The following DCP2 variants were observed in gnomAD, a reference collection of about 807,000 sequenced individuals.
The protein encoded by DCP2 is decapping mRNA 2.
In DCP2, 30 loss-of-function variants were observed where a neutral mutation model predicts 56.1. The observed-to-expected ratio is 0.53, with a 90% CI of 0.40 to 0.73. The LOEUF (loss-of-function observed/expected upper bound fraction) is 0.73, where lower values mean the gene tolerates loss of function less well. Among genes scored for constraint, DCP2 ranks in the 30% least tolerant of loss-of-function variants. The pLI, the probability that DCP2 is intolerant of heterozygous loss-of-function variation, is 0.00. For missense variants in DCP2, 533 were observed against 502.7 expected (o/e 1.06, Z -0.58); for synonymous variants, 197 against 163.3 (o/e 1.21, Z -1.57).
chr5:113,004,016 A>T lies in DCP2; in HGVS notation c.881A>T (p.Gln294Leu). ...GGTGACCAGTGGGTAAAGCACAGGC[A>T]ACCACTGCAGCAAAAGCCATATAAT... ...SPGDQWVKHRQPLQQKPYNNH... is the reference protein window; with the variant it reads ...SPGDQWVKHRLPLQQKPYNNH... The change falls in exon 8 of 11, where the codon CAA becomes CTA. Residue 294 changes from glutamine (Q) to leucine (L), a missense_variant. Physicochemically the swap from Gln to Leu is moderately radical, Grantham distance 113. Coordinates refer to ENST00000389063, the MANE Select transcript of DCP2 (RefSeq NM_152624.6). 1 of 1,614,156 alleles carries T rather than the reference A, an allele frequency of 6.2e-7. No homozygotes were observed. Among genetic ancestry groups the T allele is most frequent in the Non-Finnish European group, 8.5e-7 (1 of 1,179,998 alleles).
rs138212181 is a variant in DCP2, at chr5:113,018,278, A to G, written c.*4794A>G. 3.9e-5 allele frequency: 6 copies of G among 152,376 alleles called. No homozygotes were observed. Among genetic ancestry groups the G allele is most frequent in the East Asian group, 3.9e-4 (2 of 5,194 alleles). 9.4% of individuals were successfully genotyped at this position (152,376 alleles called of 1,614,324 possible). A position where few individuals can be genotyped will look rare whatever the true frequency, so the allele number is the denominator to read the frequency against. On this transcript the variant is annotated 3_prime_UTR_variant, in exon 11 of 11. Coordinates refer to ENST00000389063, the MANE Select transcript of DCP2 (RefSeq NM_152624.6). Reference sequence around the variant, plus strand: ...GTACAAACAAGTGTAAAGAAAAACTATGATAAAGTATGGAGGTCTTGAGAA... The same window carrying G: ...GTACAAACAAGTGTAAAGAAAAACTGTGATAAAGTATGGAGGTCTTGAGAA...
In DCP2 at chr5:113,015,758, C is replaced by T. The variant is rs1749859995; in HGVS notation, c.*2274C>T. On this transcript the variant is annotated 3_prime_UTR_variant, in exon 11 of 11. Transcript: ENST00000389063. ...AAGTTGGATGTACTTGTTTTAGGTA[C>T]ATCTACTATACTTATTCTCTCAAAC... The T allele has an allele frequency of 2.0e-5, 3 of 152,642 alleles. No homozygotes were observed. Among genetic ancestry groups the T allele is most frequent in the Admixed American group, 2.0e-4 (3 of 15,278 alleles). The allele number at this position is 152,642 out of a possible 1,614,324, so 9.5% of individuals were successfully genotyped here. A position where few individuals can be genotyped will look rare whatever the true frequency, so the allele number is the denominator to read the frequency against.
intron 7 of DCP2, 33 bp downstream of exon 7, chr5:113,001,707 C>G (rs1163018737): frequency 1.3e-6 from 2 of 1,580,410 alleles, no homozygotes; most frequent in Admixed American, 3.4e-5. Flanking sequence ...TCCTGATTTT[C>G]TAATAGTTTT....
At chr5:112,994,108 T>C (rs1279853341) in intron 4 of DCP2, among the ~76,000 whole-genome samples, 1 of 151,522 alleles carries the variant, frequency 6.6e-6, no homozygotes, top group Non-Finnish European at 1.5e-5. Context: ...GGCCTTAGTT[T>C]CTTAAAATGA....
At chr5:113,005,457 C>T (rs955924878) in intron 8 of DCP2, among the ~76,000 whole-genome samples, 3 of 152,118 alleles carry the variant, frequency 2.0e-5, no homozygotes, top group Non-Finnish European at 4.4e-5. Flanking sequence ...TGAGATATCA[C>T]TTCTTACCCA....
chr5:113,008,081 C>A, intron 9 of DCP2, 39 bp downstream of exon 9: 1 of 1,537,458 alleles, frequency 6.5e-7, no homozygotes, highest in Non-Finnish European at 9.0e-7. Context: ...GGCAGTTCAT[C>A]CTCTGAAGAG....
In DCP2 at chr5:113,014,497, G is replaced by C. The variant is rs1018599586; in HGVS notation, c.*1013G>C. ...GGAGCGAGAAGGGAAGGGGTATGCAGTTTACCCAAGTCCAAATAAAGCATT... is the reference window on the plus strand; with the variant it reads ...GGAGCGAGAAGGGAAGGGGTATGCACTTTACCCAAGTCCAAATAAAGCATT... On this transcript the variant is annotated 3_prime_UTR_variant, in exon 11 of 11. Coordinates refer to ENST00000389063, the MANE Select transcript of DCP2 (RefSeq NM_152624.6). The C allele has an allele frequency of 6.6e-6, 1 of 152,586 alleles. No individual in the cohort carries two copies. Among genetic ancestry groups the C allele is most frequent in the African/African-American group, 2.4e-5 (1 of 41,426 alleles). 9.5% of individuals were successfully genotyped at this position (152,586 alleles called of 1,614,324 possible).
intron 2 of DCP2, among the ~76,000 whole-genome samples, chr5:112,986,839 A>G (rs538114762): frequency 2.0e-5 from 3 of 152,108 alleles, no homozygotes; most frequent in African/African-American, 2.4e-5. Context: ...ATCTCTACCA[A>G]AAGTACAAAA....
At chr5:112,991,817 A>G (rs1748607759) in intron 2 of DCP2, among the ~76,000 whole-genome samples, 1 of 152,216 alleles carries the variant, frequency 6.6e-6, no homozygotes, top group African/African-American at 2.4e-5. Flanking sequence ...AGTTTGTGTT[A>G]GGGATCCAGG....
At chr5:112,994,632 A>C (rs1186660859) in intron 4 of DCP2, among the ~76,000 whole-genome samples, 1 of 152,186 alleles carries the variant, frequency 6.6e-6, no homozygotes, top group Non-Finnish European at 1.5e-5. Flanking sequence ...CTTACCATTT[A>C]TCACACAATT....
rs770733172 is a variant in DCP2, at chr5:112,976,951, G to A, written c.18G>A (p.Val6=). 3.1e-6 allele frequency: 5 copies of A among 1,599,640 alleles called. No homozygotes were observed. Among genetic ancestry groups the A allele is most frequent in the Non-Finnish European group, 4.3e-6 (5 of 1,169,478 alleles). METKR[V]EIPGSVLDDL... ...TCCTCATCATGGAGACCAAACGGGTGGAGATTCCCGGCAGCGTCCTGGACG... is the reference window on the plus strand; with the variant it reads ...TCCTCATCATGGAGACCAAACGGGTAGAGATTCCCGGCAGCGTCCTGGACG... Residue 6 remains valine, a synonymous_variant, in exon 1 of 11, where the codon GTG becomes GTA. Coordinates refer to ENST00000389063, the MANE Select transcript of DCP2 (RefSeq NM_152624.6).
intron 2 of DCP2, among the ~76,000 whole-genome samples, chr5:112,986,766 G>A (rs143194804): frequency 5.8e-4 from 89 of 152,300 alleles, no homozygotes; most frequent in African/African-American, 2.0e-3. Context: ...TTGAGAGGCC[G>A]AGACTGGTGG....
chr5:113,001,468 A>G lies in DCP2; in HGVS notation c.697A>G (p.Arg233Gly). The G allele has an allele frequency of 6.2e-7, 1 of 1,611,850 alleles. No homozygotes were observed. The highest frequency in any genetic ancestry group is 8.5e-7 in the Non-Finnish European group (1 of 1,178,346). Residue 233 changes from arginine (R) to glycine (G), a missense_variant and splice_region_variant, in exon 6 of 11, where the codon AGA becomes GGA. By Grantham distance (125) the Arg-to-Gly change is moderately radical. Transcript: ENST00000389063. ...NKFFMAIPFIRPLRDWLSRRF... is the reference protein window; with the variant it reads ...NKFFMAIPFIGPLRDWLSRRF... ...ATTTTTTATGGCCATTCCCTTTATC[A>G]GGTGTGTTCATATTTCTTGAAATGT...
chr5:112,994,521 C>A (rs1580811053), intron 4 of DCP2, among the ~76,000 whole-genome samples: 1 of 152,098 alleles, frequency 6.6e-6, no homozygotes, highest in East Asian at 1.9e-4. Context: ...TCAGCTCTAG[C>A]AAACAGTAGT....
chr5:112,984,722 A>ATATATATATATATATT (rs1328543744), intron 1 of DCP2: 10 of 134,312 alleles, frequency 7.4e-5, no homozygotes, highest in African/African-American at 3.0e-4. Context: ...ATATATATAT[A>ATATATATATATATATT]TATTTGAGAC....
rs373156882 is a variant in DCP2 at position 113,013,301 on chromosome 5, T to C, written c.1100-20T>C. 1 of 1,595,234 alleles carries C rather than the reference T, an allele frequency of 6.3e-7. No homozygotes were observed. The highest frequency in any genetic ancestry group is 8.5e-7 in the Non-Finnish European group (1 of 1,170,148). On this transcript the variant is annotated intron_variant, in intron 10 of 10. Coordinates refer to ENST00000389063, the MANE Select transcript of DCP2 (RefSeq NM_152624.6). ...TACTAAGGTTACTGAGCTTATTTAT[T>C]TTGTTTTTTCTTTAAACAGATGCTG... is the stretch of plus-strand genomic sequence containing the variant.
intron 4 of DCP2, among the ~76,000 whole-genome samples, chr5:112,997,599 T>G (rs1050337750): frequency 2.0e-5 from 3 of 149,820 alleles, no homozygotes. Context: ...GTTACACTTT[T>G]TCTTTTTCTT....
At chr5:113,010,853 G>T in intron 10 of DCP2, 46 bp downstream of exon 10, 2 of 1,567,456 alleles carry the variant, frequency 1.3e-6, no homozygotes, top group South Asian at 2.4e-5. Context: ...TGTGGGATTT[G>T]GTTTGGTTTA....
At position 112,982,848 on chromosome 5, in the gene DCP2, A is replaced by G. The variant is rs551321893; in HGVS notation, c.54-2987A>G. Among the ~76,000 whole-genome samples the G allele has an allele frequency of 3.3e-4, 50 of 152,140 alleles. 1 individual carries two copies. The South Asian group carries it at 8.7e-3, about 27-fold the overall frequency. On this transcript the variant is annotated intron_variant, in intron 1 of 10. Coordinates refer to ENST00000389063, the MANE Select transcript of DCP2 (RefSeq NM_152624.6). ...AAAAAACTTTCTTGTCATGCTTCAC[A>G]TTTTCCTTAGATGGTAGGTGATTTT...
Sources: allele counts gnomAD v4.1 joint callset (sites outside exome capture counted in the v4.1 genomes callset), GRCh38; gene constraint gnomAD v4.1.1; transcripts MANE v1.5; gene names NCBI Gene and HGNC (gene_info 2026-07-23, HGNC 2026-07-21).